Variants in TRRAP observed in about 807,000 individuals in gnomAD.
TRRAP encodes transformation/transcription domain-associated protein.
In TRRAP, 41 loss-of-function variants were observed where a neutral mutation model predicts 438.8. The ratio of observed to expected loss-of-function variants is 0.09; its 90% CI spans 0.07 to 0.12. TRRAP has a LOEUF of 0.12. Ranked by LOEUF, TRRAP falls within the 10% of genes least tolerant of loss-of-function variation. The pLI, the probability that TRRAP is intolerant of heterozygous loss-of-function variation, is 1.00. For missense variants in TRRAP, 3,122 were observed against 5,055.1 expected, an observed-to-expected ratio of 0.62 and a Z score of 11.60; for synonymous variants, 1,994 against 1,962.9, an observed-to-expected ratio of 1.02 and a Z score of -0.42.
chr7:98,964,947 A>G (rs1792084377), intron 48 of TRRAP, among the ~76,000 whole-genome samples, 172 bp downstream of exon 48: 1 of 152,218 alleles, frequency 6.6e-6, no homozygotes, highest in Non-Finnish European at 1.5e-5. Flanking sequence ...AAAACAACTC[A>G]TTGTTAAAAA....
At position 98,899,517 on chromosome 7, in the gene TRRAP, T is replaced by G; in HGVS notation, c.711+18T>G. ...TGTATCAGGTATGTGTATTGCTCATTAGTCTCTTGGGTTTTGGGCTTCTTA... is the reference window on the plus strand; with the variant it reads ...TGTATCAGGTATGTGTATTGCTCATGAGTCTCTTGGGTTTTGGGCTTCTTA... On this transcript the variant is annotated intron_variant, in intron 9 of 72. Coordinates refer to ENST00000456197, the MANE Select transcript of TRRAP (RefSeq NM_001375524.1). 1 of 1,613,842 alleles carries G rather than the reference T, an allele frequency of 6.2e-7. No individual in the cohort carries two copies. The highest frequency in any genetic ancestry group is 8.5e-7 in the Non-Finnish European group (1 of 1,179,734).
At chr7:98,941,598 TC>T (rs1790799903) in intron 30 of TRRAP, among the ~76,000 whole-genome samples, 1 of 152,184 alleles carries the variant, frequency 6.6e-6, no homozygotes, top group South Asian at 2.1e-4. Flanking sequence ...CCCCTTTAAT[TC>T]TGTTACTCTC....
At chr7:98,933,587 A>G (rs1562948540) in intron 27 of TRRAP, among the ~76,000 whole-genome samples, 185 bp downstream of exon 27, 1 of 152,070 alleles carries the variant, frequency 6.6e-6, no homozygotes. Flanking sequence ...GGCGGAAGGG[A>G]GGTATGGCCA....
intron 30 of TRRAP, among the ~76,000 whole-genome samples, chr7:98,940,414 T>G (rs186585831): frequency 1.3e-5 from 2 of 152,280 alleles, no homozygotes; most frequent in Admixed American, 6.5e-5. Flanking sequence ...GGTCTTAAAC[T>G]CCTGACCTCA....
intron 44 of TRRAP, among the ~76,000 whole-genome samples, chr7:98,958,309 GTT>G (rs111690401): frequency 6.8e-6 from 1 of 146,856 alleles, no homozygotes; most frequent in Admixed American, 6.8e-5. Context: ...AATTTTTTTG[GTT>G]TTTTTTTTTG....
At position 98,895,830 on chromosome 7, in the gene TRRAP, T is replaced by C. The variant is rs782240788; in HGVS notation, c.507+10T>C. 1.9e-5 allele frequency: 30 copies of C among 1,596,718 alleles called. No homozygotes were observed. The highest frequency in any genetic ancestry group is 2.6e-5 in the Non-Finnish European group (30 of 1,171,728). On this transcript the variant is annotated intron_variant, in intron 7 of 72. Coordinates refer to ENST00000456197, the MANE Select transcript of TRRAP (RefSeq NM_001375524.1). Reference sequence around the variant, plus strand: ...GCTTCCAAAAGTAGTGGTATGTTTTTACTTTGGTTTTAATTAGTTACATTT... The same window carrying C: ...GCTTCCAAAAGTAGTGGTATGTTTTCACTTTGGTTTTAATTAGTTACATTT...
At chr7:99,004,164 G>A (rs915353799) in intron 67 of TRRAP, 26 bp from the exon 68 acceptor site, 1 of 1,599,984 alleles carries the variant, frequency 6.3e-7, no homozygotes, top group Non-Finnish European at 8.5e-7. Context: ...GACTAAAAAC[G>A]TTTTTAATCA....
At chr7:98,916,019 TC>T (rs1251726059) in intron 19 of TRRAP, 131 bp downstream of exon 19, 1 of 1,261,280 alleles carries the variant, frequency 7.9e-7, no homozygotes, top group African/African-American at 1.5e-5. Context: ...ATGTGGCACA[TC>T]CGCCGCCCCC....
intron 3 of TRRAP, among the ~76,000 whole-genome samples, chr7:98,889,555 TA>T (rs11364826): frequency 0.73 from 98,003 of 135,160 alleles, 37,145 homozygotes; most frequent in South Asian, 0.86. Flanking sequence ...TTTTTTTTTT[TA>T]AAAAAAATAG....
chr7:98,899,542 A>C, intron 9 of TRRAP, 43 bp downstream of exon 9: 1 of 1,610,654 alleles, frequency 6.2e-7, no homozygotes. Flanking sequence ...TGGGCTTCTT[A>C]TAAGAAAATT....
At chr7:98,904,447 G>A (rs182169507) in intron 12 of TRRAP, among the ~76,000 whole-genome samples, 91 of 131,626 alleles carry the variant, frequency 6.9e-4, no homozygotes, top group Non-Finnish European at 5.5e-4. Flanking sequence ...TGGCGCCACT[G>A]TACTCCAGCC....
intron 23 of TRRAP, among the ~76,000 whole-genome samples, chr7:98,927,783 G>A (rs143718316): frequency 1.3e-5 from 2 of 152,082 alleles, no homozygotes; most frequent in African/African-American, 2.4e-5. Flanking sequence ...AGTCTCCCCT[G>A]CGATGCCCGT....
In TRRAP at chr7:98,976,790, T is replaced by C; in HGVS notation, c.8247+20T>C. ...CAGCAGGTGAGGGTGCGCCTCAGTT[T>C]GTTAATTACCTCTTCCCTGCCAGTG... On this transcript the variant is annotated intron_variant, in intron 55 of 72. Transcript: ENST00000456197. The surrounding 1 kb of genome is among the most constrained non-coding windows in gnomAD (Gnocchi z 4.6). The C allele has an allele frequency of 1.2e-6, 2 of 1,609,934 alleles. No homozygotes were observed. The highest frequency in any genetic ancestry group is 1.7e-6 in the Non-Finnish European group (2 of 1,177,186).
chr7:98,894,025 A>G, intron 6 of TRRAP, 144 bp downstream of exon 6: 1 of 712,512 alleles, frequency 1.4e-6, no homozygotes, highest in Non-Finnish European at 2.4e-6. Flanking sequence ...ATTCTTTATG[A>G]GTTTAACAGT....
chr7:98,960,882 G>T (rs1486672847), intron 45 of TRRAP, among the ~76,000 whole-genome samples: 3 of 151,992 alleles, frequency 2.0e-5, no homozygotes, highest in Non-Finnish European at 2.9e-5. Flanking sequence ...CTCCCAAAGT[G>T]CTGGGATTAC....
At chr7:98,953,465 T>C in intron 40 of TRRAP, 32 bp downstream of exon 40, 1 of 1,597,890 alleles carries the variant, frequency 6.3e-7, no homozygotes, top group Non-Finnish European at 8.5e-7. Context: ...TCCGCCGACA[T>C]CAGCGTGAAT....
At chr7:98,892,576 T>G in intron 5 of TRRAP, 48 bp downstream of exon 5, 2 of 1,430,530 alleles carry the variant, frequency 1.4e-6, no homozygotes, top group Non-Finnish European at 1.9e-6. Flanking sequence ...TGTAAAACTT[T>G]CACTGATTTT....
intron 50 of TRRAP, 75 bp downstream of exon 50, chr7:98,967,237 A>G: frequency 6.5e-7 from 1 of 1,534,382 alleles, no homozygotes; most frequent in South Asian, 1.2e-5. Context: ...CCATGCAGCC[A>G]TGATTTTAAT....
intron 61 of TRRAP, 101 bp downstream of exon 61, chr7:98,984,459 G>T: frequency 2.1e-6 from 3 of 1,398,630 alleles, no homozygotes; most frequent in Non-Finnish European, 2.9e-6. Context: ...AAGGAAGGTG[G>T]ACTCGAACTT....
Sources: gnomAD v4.1 joint callset for allele counts (sites outside exome capture counted in the v4.1 genomes callset) on GRCh38, gnomAD v4.1.1 for gene constraint, Gnocchi (gnomAD v3.1) non-coding constraint, MANE v1.5 for transcripts, NCBI Gene and HGNC (gene_info 2026-07-23, HGNC 2026-07-21) for gene names.